ZBTB40: variants seen among roughly 807,000 people sequenced by gnomAD.
ZBTB40 encodes zinc finger and BTB domain-containing protein 40.
Under a neutral mutation model 117.5 loss-of-function variants are expected in ZBTB40, and 60 were observed. That is an observed-to-expected ratio of 0.51 (90% CI 0.41 to 0.63). The LOEUF is 0.63. Among genes scored for constraint, ZBTB40 ranks in the 30% least tolerant of loss-of-function variants. The probability of loss-of-function intolerance (pLI) is 0.00; values close to 1 mark genes in which losing one functional copy is unlikely to be tolerated. For synonymous variants in ZBTB40, 525 were observed against 577.1 expected (o/e 0.91, Z 1.29); for missense variants, 1,287 against 1,498.5 (o/e 0.86, Z 2.33).
At chr1:22,505,262 G>A (rs921150816) in intron 5 of ZBTB40, among the ~76,000 whole-genome samples, 1 of 152,150 alleles carries the variant, frequency 6.6e-6, no homozygotes, top group Non-Finnish European at 1.5e-5. Flanking sequence ...GCTAAGCTAT[G>A]CATATTATGC....
intron 1 of ZBTB40, among the ~76,000 whole-genome samples, chr1:22,472,902 G>A (rs1641445937): frequency 6.6e-6 from 1 of 152,166 alleles, no homozygotes; most frequent in Non-Finnish European, 1.5e-5. Flanking sequence ...AAGAGTTTGG[G>A]TTGGTACCAG....
At chr1:22,500,932 A>G (rs559256700) in intron 3 of ZBTB40, among the ~76,000 whole-genome samples, 15 of 152,316 alleles carry the variant, frequency 9.8e-5, no homozygotes, top group African/African-American at 3.4e-4. Flanking sequence ...TGAGATTTTA[A>G]TTGCATTCTC....
At chr1:22,462,568 G>A (rs935167764) in intron 1 of ZBTB40, among the ~76,000 whole-genome samples, 17 of 152,134 alleles carry the variant, frequency 1.1e-4, no homozygotes, top group Admixed American at 9.2e-4. Flanking sequence ...CATAGGTAAC[G>A]GGAAGAGTCT....
At chr1:22,506,304 C>T in intron 6 of ZBTB40, 63 bp downstream of exon 6, 1 of 1,540,766 alleles carries the variant, frequency 6.5e-7, no homozygotes, top group African/African-American at 1.4e-5. Context: ...TAGCTTGAAA[C>T]ACCCTTTTGG....
intron 3 of ZBTB40, among the ~76,000 whole-genome samples, chr1:22,493,168 T>C (rs1638679098): frequency 6.6e-6 from 1 of 152,236 alleles, no homozygotes; most frequent in Non-Finnish European, 1.5e-5. Flanking sequence ...TTTCTTGTTC[T>C]AATCTTTTGA....
In ZBTB40 at chr1:22,508,097, T is replaced by C. The variant is rs773148306; in HGVS notation, c.1457T>C (p.Met486Thr). Reference protein sequence around the residue: ...IFTDNQILLKMISHMTSLAPG... With the variant: ...IFTDNQILLKTISHMTSLAPG... The stretch of plus-strand genomic sequence containing the variant: ...ACAGACAACCAGATTTTATTAAAGA[T>C]GATCTCACACATGACAAGTTTAGCC... Residue 486 changes from methionine to threonine, a missense_variant, in exon 7 of 18, where the codon ATG (methionine) becomes ACG (threonine). Physicochemically the swap from Met to Thr is moderately conservative, Grantham distance 81. Coordinates refer to ENST00000375647, the MANE Select transcript of ZBTB40 (RefSeq NM_014870.4). 2.3e-5 allele frequency: 37 copies of C among 1,613,998 alleles called. 2 individuals carry two copies. In the Middle Eastern group the frequency reaches 8.2e-4, roughly 36 times the overall value.
At chr1:22,472,490 A>G (rs1641435991) in intron 1 of ZBTB40, among the ~76,000 whole-genome samples, 1 of 152,150 alleles carries the variant, frequency 6.6e-6, no homozygotes, top group Non-Finnish European at 1.5e-5. Flanking sequence ...CCAGCCTCAT[A>G]TTGAGCTTTA....
At chr1:22,458,821 C>T (rs1245108537) in intron 1 of ZBTB40, among the ~76,000 whole-genome samples, 1 of 152,178 alleles carries the variant, frequency 6.6e-6, no homozygotes, top group Non-Finnish European at 1.5e-5. Flanking sequence ...GAACTCCTGG[C>T]CTCAAGCAAT....
At position 22,490,602 on chromosome 1, in the gene ZBTB40, T is replaced by G. The variant is rs1638602126; in HGVS notation, c.654T>G (p.Ala218=). 6.2e-7 allele frequency: 1 copy of G among 1,614,028 alleles called. No individual in the cohort carries two copies. The highest frequency in any genetic ancestry group is 8.5e-7 in the Non-Finnish European group (1 of 1,180,026). The change falls in exon 2 of 18, where the codon GCT becomes GCG. Residue 218 remains alanine, a synonymous_variant. Transcript: ENST00000375647. ...TTAEACSPSP[A]VQTFSEAKKT... ...CTGAAGCTTGTTCCCCCTCCCCTGC[T>G]GTGCAAACCTTTAGTGAGGCAAAGA...
intron 1 of ZBTB40, among the ~76,000 whole-genome samples, chr1:22,474,665 C>T (rs1569804548): frequency 6.6e-6 from 1 of 152,144 alleles, no homozygotes; most frequent in Admixed American, 6.5e-5. Flanking sequence ...TGTTTGTGAG[C>T]TGCTAAGTAG....
At chr1:22,525,905 C>A (rs1173198125) in intron 17 of ZBTB40, among the ~76,000 whole-genome samples, 1 of 152,150 alleles carries the variant, frequency 6.6e-6, no homozygotes, top group Non-Finnish European at 1.5e-5. Flanking sequence ...ACAGGAAAGC[C>A]CAGTGTGAAA....
chr1:22,478,058 G>A (rs1206205984), intron 1 of ZBTB40, among the ~76,000 whole-genome samples: 1 of 152,130 alleles, frequency 6.6e-6, no homozygotes, highest in South Asian at 2.1e-4. Context: ...TTGACTCTTA[G>A]AACACCCTAA....
intron 1 of ZBTB40, among the ~76,000 whole-genome samples, chr1:22,480,807 T>C (rs1638281138): frequency 6.6e-6 from 1 of 152,226 alleles, no homozygotes; most frequent in Admixed American, 6.5e-5. Flanking sequence ...ACATGCATTT[T>C]ACCTTTTTTC....
At position 22,521,663 on chromosome 1, in the gene ZBTB40, A is replaced by T. The variant is rs1639530115; in HGVS notation, c.3211+5A>T. On this transcript the variant is annotated splice_donor_5th_base_variant and intron_variant, in intron 15 of 17. Transcript: ENST00000375647. ...ACATCAAAGCAGAACATGCAGGTGGAGTTTGGGTACCGCCGGCAGAGAGCG... is the reference window on the plus strand; with the variant it reads ...ACATCAAAGCAGAACATGCAGGTGGTGTTTGGGTACCGCCGGCAGAGAGCG... 1 of 1,614,200 alleles carries T rather than the reference A, an allele frequency of 6.2e-7. No individual in the cohort carries two copies. The highest frequency in any genetic ancestry group is 8.5e-7 in the Non-Finnish European group (1 of 1,180,038).
At chr1:22,499,184 C>T (rs747001897) in intron 3 of ZBTB40, among the ~76,000 whole-genome samples, 12 of 152,230 alleles carry the variant, frequency 7.9e-5, no homozygotes, top group Non-Finnish European at 1.6e-4. Flanking sequence ...TCCAAGCTTA[C>T]TCCCTGACTG....
intron 1 of ZBTB40, among the ~76,000 whole-genome samples, chr1:22,442,790 T>C (rs1006661186): frequency 4.6e-5 from 7 of 152,204 alleles, no homozygotes; most frequent in African/African-American, 1.7e-4. Flanking sequence ...ATTGTGTTCT[T>C]ATCTCCTATA....
At chr1:22,462,542 G>A (rs1641155810) in intron 1 of ZBTB40, among the ~76,000 whole-genome samples, 1 of 152,168 alleles carries the variant, frequency 6.6e-6, no homozygotes. Flanking sequence ...GTTCCACTTA[G>A]AATATATATC....
At chr1:22,505,925 C>T (rs1222157311) in intron 5 of ZBTB40, 124 bp from the exon 6 acceptor site, 1 of 931,318 alleles carries the variant, frequency 1.1e-6, no homozygotes, top group Non-Finnish European at 1.8e-6. Context: ...ATGCTAGAGA[C>T]CAACAGAAGA....
intron 1 of ZBTB40, among the ~76,000 whole-genome samples, chr1:22,446,330 G>A (rs907450051): frequency 1.3e-5 from 2 of 151,674 alleles, no homozygotes; most frequent in Non-Finnish European, 2.9e-5. Context: ...GTCAGAAGAA[G>A]AAAGAAAGAG....
Sources: gnomAD v4.1 joint callset for allele counts (sites outside exome capture counted in the v4.1 genomes callset) on GRCh38, gnomAD v4.1.1 for gene constraint, MANE v1.5 for transcripts, NCBI Gene and HGNC (gene_info 2026-07-23, HGNC 2026-07-21) for gene names.